CNTNAP2: variants seen among roughly 807,000 people sequenced by gnomAD.
CNTNAP2 encodes contactin-associated protein-like 2.
Under a neutral mutation model 155.2 loss-of-function variants are expected in CNTNAP2, and 98 were observed. The ratio of observed to expected loss-of-function variants is 0.63; its 90% CI spans 0.54 to 0.75. The LOEUF (loss-of-function observed/expected upper bound fraction) is 0.75, where lower values mean the gene tolerates loss of function less well. CNTNAP2 is among the 30% of genes least tolerant of loss of function. CNTNAP2 has a pLI of 0.00. For synonymous variants in CNTNAP2, 651 were observed against 631.2 expected, an observed-to-expected ratio of 1.03 and a Z score of -0.47; for missense variants, 1,727 against 1,688.1, an observed-to-expected ratio of 1.02 and a Z score of -0.40.
At chr7:146,623,525 T>C (rs1799369020) in intron 1 of CNTNAP2, among the ~76,000 whole-genome samples, 1 of 152,194 alleles carries the variant, frequency 6.6e-6, no homozygotes, top group South Asian at 2.1e-4. Flanking sequence ...ATAAAATACT[T>C]AACTTTCACA....
chr7:146,454,302 C>CT (rs1796524195), intron 1 of CNTNAP2, among the ~76,000 whole-genome samples: 1 of 152,122 alleles, frequency 6.6e-6, no homozygotes, highest in South Asian at 2.1e-4. Context: ...TTCTTACCCC[C>CT]TTTACGTATT....
intron 10 of CNTNAP2, among the ~76,000 whole-genome samples, chr7:147,474,404 GGC>G (rs761000917): frequency 1.4e-4 from 21 of 152,140 alleles, no homozygotes; most frequent in Non-Finnish European, 2.9e-4. Context: ...AGACCAGCCT[GGC>G]CAACATGGTG....
At chr7:147,624,262 A>T (rs1005393176) in intron 12 of CNTNAP2, among the ~76,000 whole-genome samples, 1 of 152,120 alleles carries the variant, frequency 6.6e-6, no homozygotes, top group African/African-American at 2.4e-5. Context: ...AAATGTGATC[A>T]GCTCAAGTTA....
chr7:147,895,093 C>T (rs886880864), intron 13 of CNTNAP2, among the ~76,000 whole-genome samples: 1 of 150,302 alleles, frequency 6.7e-6, no homozygotes, highest in African/African-American at 2.4e-5. Context: ...GCCTCATCAG[C>T]CTCCTGAGTA....
At chr7:147,562,109 G>A in intron 11 of CNTNAP2, 29 bp from the exon 12 acceptor site, 1 of 1,613,526 alleles carries the variant, frequency 6.2e-7, no homozygotes, top group Non-Finnish European at 8.5e-7. Flanking sequence ...TCTGTGCTGT[G>A]CTTATGTAGG....
At chr7:146,144,369 C>T (rs1797926802) in intron 1 of CNTNAP2, among the ~76,000 whole-genome samples, 1 of 152,086 alleles carries the variant, frequency 6.6e-6, no homozygotes, top group East Asian at 1.9e-4. Context: ...CCAGGCTGCT[C>T]TTGAACTCCT....
chr7:146,509,120 C>T lies in CNTNAP2; in HGVS notation c.98-265151C>T, dbSNP rs73741727. Among the ~76,000 whole-genome samples the T allele has an allele frequency of 4.9e-3, 751 of 152,286 alleles. 8 individuals carry two copies. The highest frequency in any genetic ancestry group is 0.016 in the African/African-American group (683 of 41,548). On this transcript the variant is annotated intron_variant, in intron 1 of 23. Transcript: ENST00000361727. ...GGTAAGGTGTTCATCATCTGGCCCTCGGGTATTCGGATCAAACATAGCCTG... is the reference window on the plus strand; with the variant it reads ...GGTAAGGTGTTCATCATCTGGCCCTTGGGTATTCGGATCAAACATAGCCTG...
intron 10 of CNTNAP2, among the ~76,000 whole-genome samples, chr7:147,461,400 C>T (rs1798022738): frequency 6.6e-6 from 1 of 151,932 alleles, no homozygotes; most frequent in Non-Finnish European, 1.5e-5. Flanking sequence ...GATCCTCTAA[C>T]CAGGATCAAA....
intron 21 of CNTNAP2, among the ~76,000 whole-genome samples, chr7:148,296,758 C>G (rs1797293411): frequency 6.6e-6 from 1 of 152,098 alleles, no homozygotes; most frequent in Non-Finnish European, 1.5e-5. Context: ...AAAGCCCATT[C>G]CAGGGTCAGA....
chr7:147,802,196 G>T (rs1311944824), intron 13 of CNTNAP2, among the ~76,000 whole-genome samples: 1 of 146,606 alleles, frequency 6.8e-6, no homozygotes, highest in Non-Finnish European at 1.5e-5. Context: ...GGGCAGAGGT[G>T]CTCCCCACAT....
chr7:148,242,905 A>G (rs543435102), intron 20 of CNTNAP2, among the ~76,000 whole-genome samples: 1 of 152,304 alleles, frequency 6.6e-6, no homozygotes, highest in South Asian at 2.1e-4. Context: ...TCGCTTGGTG[A>G]GCTAATAATT....
At chr7:147,117,099 C>T (rs1238900106) in intron 5 of CNTNAP2, among the ~76,000 whole-genome samples, 3 of 152,146 alleles carry the variant, frequency 2.0e-5, no homozygotes, top group Admixed American at 6.5e-5. Context: ...CAATGCCATT[C>T]GGCTCCCTGG....
At chr7:147,301,463 A>G (rs903779383) in intron 9 of CNTNAP2, among the ~76,000 whole-genome samples, 11 of 152,196 alleles carry the variant, frequency 7.2e-5, no homozygotes, top group African/African-American at 2.7e-4. Context: ...ACATGCTTAG[A>G]AAAGGCTTTT....
At chr7:146,900,018 A>G (rs1795959959) in intron 3 of CNTNAP2, among the ~76,000 whole-genome samples, 1 of 152,204 alleles carries the variant, frequency 6.6e-6, no homozygotes, top group Non-Finnish European at 1.5e-5. Context: ...CGAGCTGGAA[A>G]TCAGTTATAT....
chr7:147,644,228 T>C (rs1283826865), intron 13 of CNTNAP2, among the ~76,000 whole-genome samples: 2 of 152,238 alleles, frequency 1.3e-5, no homozygotes, highest in Non-Finnish European at 2.9e-5. Context: ...CTACATGATT[T>C]ATATTTATAT....
chr7:147,233,316 C>T (rs10250389), intron 8 of CNTNAP2, among the ~76,000 whole-genome samples: 37,547 of 151,994 alleles, frequency 0.25, 5,760 homozygotes, highest in East Asian at 0.77. Context: ...GTCACCTGTG[C>T]GCAGCTGCTG....
chr7:146,743,227 T>A (rs1801750165), intron 1 of CNTNAP2, among the ~76,000 whole-genome samples: 1 of 152,130 alleles, frequency 6.6e-6, no homozygotes, highest in Non-Finnish European at 1.5e-5. Flanking sequence ...CTTATTATTA[T>A]GGAGAACACA....
chr7:148,019,248 C>T (rs761052475), intron 15 of CNTNAP2, among the ~76,000 whole-genome samples: 11 of 152,178 alleles, frequency 7.2e-5, no homozygotes, highest in Admixed American at 2.0e-4. Context: ...CTTCTAGGTT[C>T]CTCAGAGGGG....
At chr7:147,398,589 CTT>C (rs58507416) in intron 10 of CNTNAP2, among the ~76,000 whole-genome samples, 288 of 87,702 alleles carry the variant, frequency 3.3e-3, no homozygotes, top group Admixed American at 0.029. Context: ...ACGATTTGAA[CTT>C]TTTTTTTTTT....
Sources: allele counts gnomAD v4.1 joint callset (sites outside exome capture counted in the v4.1 genomes callset), GRCh38; gene constraint gnomAD v4.1.1; transcripts MANE v1.5; gene names NCBI Gene and HGNC (gene_info 2026-07-23, HGNC 2026-07-21).